The following TRIM36 variants were observed in gnomAD, a reference collection of about 807,000 sequenced individuals.
The protein encoded by TRIM36 is E3 ubiquitin-protein ligase TRIM36.
Under a neutral mutation model 72.4 loss-of-function variants are expected in TRIM36, and 42 were observed. The observed-to-expected ratio is 0.58, with a 90% CI of 0.45 to 0.75. The LOEUF is 0.75. TRIM36 is among the 30% of genes least tolerant of loss of function. The pLI is 0.00. For missense variants in TRIM36, 913 were observed against 857.1 expected (o/e 1.07, Z -0.81); for synonymous variants, 315 against 282.8 (o/e 1.11, Z -1.14).
chr5:115,169,911 C>T (rs1048414590), upstream of TRIM36: 22 of 1,288,476 alleles, frequency 1.7e-5, no homozygotes, highest in Admixed American at 8.0e-5. Context: ...CGGACTGCGG[C>T]TGGGAACGGC....
intron 2 of TRIM36, among the ~76,000 whole-genome samples, chr5:115,161,941 A>G (rs1269932125): frequency 6.6e-6 from 1 of 152,192 alleles, no homozygotes. Flanking sequence ...TGATGTAAAC[A>G]CATTTAGTGG....
At chr5:115,141,913 G>A (rs1229657254) in intron 4 of TRIM36, among the ~76,000 whole-genome samples, 1 of 152,052 alleles carries the variant, frequency 6.6e-6, no homozygotes, top group Non-Finnish European at 1.5e-5. Flanking sequence ...AATTTCCAGA[G>A]CTCTTTGAAT....
upstream of TRIM36, chr5:115,171,363 A>G (rs1287671264): frequency 3.2e-6 from 4 of 1,244,100 alleles, no homozygotes; most frequent in African/African-American, 1.5e-5. Context: ...GATCCGGATT[A>G]ATGCCCGTTG....
chr5:115,162,959 CT>C (rs35177858), intron 2 of TRIM36, among the ~76,000 whole-genome samples: 12,651 of 141,940 alleles, frequency 0.089, 627 homozygotes, highest in Non-Finnish European at 0.13. Flanking sequence ...ACAAACATAG[CT>C]TTTTTTTTTT....
At position 115,134,098 on chromosome 5, in the gene TRIM36, A is replaced by C; in HGVS notation, c.1260T>G (p.Asn420Lys). 2 of 1,612,974 alleles carry C rather than the reference A, an allele frequency of 1.2e-6. No individual in the cohort carries two copies. The highest frequency in any genetic ancestry group is 8.5e-7 in the Non-Finnish European group (1 of 1,179,628). The change falls in exon 8 of 10, where the codon AAT (asparagine) becomes AAG (lysine). Residue 420 changes from asparagine (N) to lysine (K), a missense_variant. Physicochemically the swap from Asn to Lys is moderately conservative, Grantham distance 94 (BLOSUM62 0). Transcript: ENST00000513154. ...INEEQSKVYN[N>K]ALINWHHPEK... ...CTGGATGGTGCCAATTTATCAAGGC[A>C]TTGTTATAAACTTTGCTCTGTTCCT...
chr5:115,147,303 A>G lies in TRIM36; in HGVS notation c.354T>C (p.Asn118=), dbSNP rs1190907250. 1 of 1,614,218 alleles carries G rather than the reference A, an allele frequency of 6.2e-7. No individual in the cohort carries two copies. The highest frequency in any genetic ancestry group is 1.3e-5 in the African/African-American group (1 of 75,058). Residue 118 remains asparagine (N), a synonymous_variant, in exon 3 of 10, where the codon AAT becomes AAC. Transcript: ENST00000513154. ...HDVDLGERGI[N]GLFRNFTLET... ...CCAAAGTGAAGTTTCGAAACAGACC[A>G]TTGATTCCTCGTTCTCCAAGATCCA...
chr5:115,132,212 A>G (rs1047034219), intron 8 of TRIM36, among the ~76,000 whole-genome samples: 12 of 149,094 alleles, frequency 8.0e-5, no homozygotes, highest in Admixed American at 5.4e-4. Context: ...GTGTATATAT[A>G]TATATACATA....
chr5:115,141,354 A>G lies in TRIM36; in HGVS notation c.756T>C (p.Ile252=), dbSNP rs1753265300. 2 of 1,596,764 alleles carry G rather than the reference A, an allele frequency of 1.3e-6. No individual in the cohort carries two copies. Among genetic ancestry groups the G allele is most frequent in the Non-Finnish European group, 1.7e-6 (2 of 1,175,000 alleles). The change falls in exon 5 of 10, where the codon ATT becomes ATC. Residue 252 remains isoleucine (I), a synonymous_variant. Transcript: ENST00000513154. ...KTLKEKLSKD[I]DYLIGKESQV... is the part of the protein sequence containing the mutation. ...GGCTTTCCTTACCAATAAGGTAATC[A>G]ATATCCTTTGAAAGCTTTTCCTGTT... is the stretch of plus-strand genomic sequence containing the variant.
intron 4 of TRIM36, among the ~76,000 whole-genome samples, chr5:115,143,457 T>C: frequency 6.6e-6 from 1 of 151,828 alleles, no homozygotes; most frequent in Non-Finnish European, 1.5e-5. Flanking sequence ...AATCAAAAAT[T>C]ACCAGGCATG....
chr5:115,145,829 C>T (rs1011701635), intron 3 of TRIM36, among the ~76,000 whole-genome samples: 1 of 152,122 alleles, frequency 6.6e-6, no homozygotes, highest in African/African-American at 2.4e-5. Flanking sequence ...TTTCTACATC[C>T]CCAAAGCCAT....
Position 115,179,988 on chromosome 5 carries a change from A to G in TRIM36, c.50T>C (p.Ile17Thr), listed in dbSNP as rs766902062. 35 of 1,613,938 alleles carry G rather than the reference A, an allele frequency of 2.2e-5. No individual in the cohort carries two copies. The East Asian group carries it at 2.7e-4, about 12-fold the overall frequency. Residue 17 changes from isoleucine to threonine, a missense_variant, in exon 1 of 10, where the codon ATA becomes ACA. By Grantham distance (89) the Ile-to-Thr change is moderately conservative. Coordinates refer to the TRIM36 transcript ENST00000282369. ...CTCATCACTTACCTTGCCTTTAGCTATCAATTCCATGATGTAGCCAAATTC... is the reference window on the plus strand; with the variant it reads ...CTCATCACTTACCTTGCCTTTAGCTGTCAATTCCATGATGTAGCCAAATTC...
chr5:115,147,060 T>C lies in TRIM36; in HGVS notation c.588+9A>G, dbSNP rs1385525664. ...AATAACATTCTAACTTAATAAAAACTTCACTTACCTTGGGTCTGAAGTTAG... is the reference window on the plus strand; with the variant it reads ...AATAACATTCTAACTTAATAAAAACCTCACTTACCTTGGGTCTGAAGTTAG... On this transcript the variant is annotated intron_variant, in intron 3 of 9. Transcript: ENST00000513154. The C allele has an allele frequency of 1.1e-5, 18 of 1,597,700 alleles. No homozygotes were observed. The Admixed American group carries it at 3.1e-4, about 27-fold the overall frequency.
intron 4 of TRIM36, among the ~76,000 whole-genome samples, chr5:115,143,869 GT>G (rs200844763): frequency 5.3e-5 from 8 of 151,236 alleles, no homozygotes; most frequent in Non-Finnish European, 8.9e-5. Context: ...AGTAATTCAG[GT>G]TTTTTTTTGT....
chr5:115,126,801 G>A lies in TRIM36; in HGVS notation c.1853C>T (p.Ser618Leu), dbSNP rs766292516. ...TATAGTAACTAAGGTAAATGGTTGT[G>A]AAGAATCAAAACAGGCATCCTCACT... ...SGSEDACFDSSQPFTLVTIGM... is the reference protein window; with the variant it reads ...SGSEDACFDSLQPFTLVTIGM... The change falls in exon 10 of 10, where the codon TCA becomes TTA. Residue 618 changes from serine (S) to leucine (L), a missense_variant. By Grantham distance (145) the Ser-to-Leu change is moderately radical. Transcript: ENST00000513154. The A allele has an allele frequency of 3.7e-6, 6 of 1,614,108 alleles. No individual in the cohort carries two copies. In the East Asian group the frequency reaches 6.7e-5, roughly 18 times the overall value.
intron 2 of TRIM36, among the ~76,000 whole-genome samples, chr5:115,160,663 CCTT>C: frequency 6.6e-6 from 1 of 152,086 alleles, no homozygotes; most frequent in East Asian, 1.9e-4. Flanking sequence ...CAAAGTGAGA[CCTT>C]CTTCTCCACA....
chr5:115,128,758 C>CAAAAAAAAAAAAAAAAAAAAAAAAA (rs58384978), intron 9 of TRIM36, among the ~76,000 whole-genome samples: 3 of 47,014 alleles, frequency 6.4e-5, no homozygotes, highest in Admixed American at 2.7e-4. Flanking sequence ...GACTCCGTCT[C>CAAAAAAAAAAAAAAAAAAAAAAAAA]AAAAAAAAAA....
intron 2 of TRIM36, among the ~76,000 whole-genome samples, chr5:115,154,377 A>C (rs182090907): frequency 1.1e-4 from 17 of 152,132 alleles, no homozygotes; most frequent in Non-Finnish European, 5.9e-5. Context: ...GAAAAAAAAA[A>C]CCCACAAAAG....
At chr5:115,137,306 AG>A in intron 6 of TRIM36, 56 bp downstream of exon 6, 2 of 1,552,526 alleles carry the variant, frequency 1.3e-6, no homozygotes, top group Non-Finnish European at 1.7e-6. Flanking sequence ...GAGAATACAC[AG>A]CAGCATTTAA....
chr5:115,159,906 T>C (rs1754385764), intron 2 of TRIM36, among the ~76,000 whole-genome samples: 1 of 152,186 alleles, frequency 6.6e-6, no homozygotes, highest in Non-Finnish European at 1.5e-5. Flanking sequence ...GACAATACTT[T>C]GTTCTATATA....
Sources: allele counts gnomAD v4.1 joint callset (sites outside exome capture counted in the v4.1 genomes callset), GRCh38; gene constraint gnomAD v4.1.1; transcripts MANE v1.5; gene names NCBI Gene and HGNC (gene_info 2026-07-23, HGNC 2026-07-21).